The following TG variants were observed in gnomAD, a reference collection of about 807,000 sequenced individuals.
The protein encoded by TG is thyroid hormones.
In TG, 270 loss-of-function variants were observed where a neutral mutation model predicts 324.7. The ratio of observed to expected loss-of-function variants is 0.83; its 90% CI spans 0.75 to 0.92. The LOEUF is 0.92. Ranked by LOEUF, TG falls within the 40% of genes least tolerant of loss-of-function variation. The pLI is 0.00. For missense variants in TG, 3,591 were observed against 3,456.4 expected (o/e 1.04, Z -0.98); for synonymous variants, 1,401 against 1,327.0 (o/e 1.06, Z -1.21).
chr8:132,947,404 C>T (rs1329845219), intron 26 of TG, among the ~76,000 whole-genome samples: 1 of 152,148 alleles, frequency 6.6e-6, no homozygotes, highest in African/African-American at 2.4e-5. Context: ...ACCTGGAAGG[C>T]CACTTAAAAA....
At chr8:132,986,903 A>C (rs886344847) in intron 35 of TG, among the ~76,000 whole-genome samples, 1 of 152,188 alleles carries the variant, frequency 6.6e-6, no homozygotes, top group African/African-American at 2.4e-5. Context: ...TATCACTAAA[A>C]AATTATTTAT....
chr8:133,124,441 A>C (rs1169157406), intron 45 of TG, among the ~76,000 whole-genome samples: 1 of 152,228 alleles, frequency 6.6e-6, no homozygotes, highest in Non-Finnish European at 1.5e-5. Context: ...ATTTTGGCAG[A>C]GACAGCCCAA....
At chr8:132,879,671 CT>C (rs1729992835) in intron 5 of TG, among the ~76,000 whole-genome samples, 1 of 152,252 alleles carries the variant, frequency 6.6e-6, no homozygotes, top group African/African-American at 2.4e-5. Context: ...AGTAACTGGC[CT>C]TAGGGTGATC....
intron 44 of TG, among the ~76,000 whole-genome samples, chr8:133,115,688 G>A (rs1850623779): frequency 6.6e-6 from 1 of 152,232 alleles, no homozygotes; most frequent in Admixed American, 6.5e-5. Flanking sequence ...AAGAACTGCT[G>A]AGTATCTCAC....
intron 35 of TG, chr8:133,003,061 C>A: frequency 9.4e-7 from 1 of 1,065,852 alleles, no homozygotes; most frequent in South Asian, 3.3e-5. Context: ...TCCTCTTTCC[C>A]TTTGTGTTTG....
chr8:133,080,691 G>A (rs1283956352), intron 41 of TG, among the ~76,000 whole-genome samples: 3 of 152,130 alleles, frequency 2.0e-5, no homozygotes, highest in East Asian at 3.9e-4. Flanking sequence ...GGCAATGTCA[G>A]CACTCAAGGC....
intron 41 of TG, among the ~76,000 whole-genome samples, chr8:133,034,248 A>G (rs563879215): frequency 6.6e-6 from 1 of 152,358 alleles, no homozygotes; most frequent in Non-Finnish European, 1.5e-5. Flanking sequence ...CCTTGCATTC[A>G]TGAATCAGGT....
At chr8:132,896,066 G>A (rs973200442) in intron 11 of TG, among the ~76,000 whole-genome samples, 1 of 152,276 alleles carries the variant, frequency 6.6e-6, no homozygotes, top group Non-Finnish European at 1.5e-5. Context: ...AGGGCCTAAT[G>A]AGCGTGGCGA....
intron 41 of TG, among the ~76,000 whole-genome samples, chr8:133,051,427 G>A (rs1277205820): frequency 6.6e-6 from 1 of 152,202 alleles, no homozygotes; most frequent in Non-Finnish European, 1.5e-5. Context: ...TGGGGAAGGA[G>A]TGTGAGGCAA....
intron 41 of TG, chr8:133,037,305 A>T (rs1382360918): frequency 6.6e-6 from 1 of 152,196 alleles, no homozygotes; most frequent in East Asian, 1.9e-4. Flanking sequence ...ATTATGCATG[A>T]CATCATTAAT....
chr8:132,964,547 A>G (rs1828258732), intron 29 of TG: 1 of 238,656 alleles, frequency 4.2e-6, no homozygotes, highest in Non-Finnish European at 8.1e-6. Flanking sequence ...GTATCAGGTT[A>G]CTCCCATCAG....
intron 24 of TG, among the ~76,000 whole-genome samples, chr8:132,934,471 A>G (rs1563973654): frequency 6.6e-6 from 1 of 152,224 alleles, no homozygotes; most frequent in African/African-American, 2.4e-5. Context: ...TCAAATTAGG[A>G]TAATTAGACC....
chr8:132,869,647 G>A, intron 2 of TG, 82 bp from the exon 3 acceptor site: 1 of 1,226,674 alleles, frequency 8.2e-7, no homozygotes, highest in Non-Finnish European at 1.2e-6. Flanking sequence ...TGGAAATGAA[G>A]AAGAAAAGTA....
At position 132,913,082 on chromosome 8, in the gene TG, T is replaced by C. The variant is rs1193856624; in HGVS notation, c.4195T>C (p.Phe1399Leu). 5 of 1,614,150 alleles carry C rather than the reference T, an allele frequency of 3.1e-6. No individual in the cohort carries two copies. The highest frequency in any genetic ancestry group is 2.2e-5 in the East Asian group (1 of 44,866). Residue 1399 changes from phenylalanine (F) to leucine (L), a missense_variant, in exon 20 of 48, where the codon TTC (phenylalanine) becomes CTC (leucine). Transcript: ENST00000220616. ...GGTGGGCAAGGATCTCCTTGGGCGC[T>C]TCACAGATCTGATCCAGAGTGGCTC... ...ALVGKDLLGR[F>L]TDLIQSGSFQ...
At chr8:132,980,718 A>G (rs1830723471) in intron 34 of TG, among the ~76,000 whole-genome samples, 1 of 152,144 alleles carries the variant, frequency 6.6e-6, no homozygotes, top group Non-Finnish European at 1.5e-5. Context: ...CTTGAAATCC[A>G]GGTAGTTAGT....
intron 10 of TG, among the ~76,000 whole-genome samples, chr8:132,891,823 A>G (rs1289824952): frequency 6.6e-6 from 1 of 152,246 alleles, no homozygotes; most frequent in Non-Finnish European, 1.5e-5. Context: ...CAAATTCTGG[A>G]AGTCAAAGTT....
intron 41 of TG, among the ~76,000 whole-genome samples, chr8:133,042,524 A>T (rs1838452583): frequency 6.6e-6 from 1 of 151,968 alleles, no homozygotes; most frequent in Non-Finnish European, 1.5e-5. Flanking sequence ...ATCCTGTGAA[A>T]ATTATTGCAT....
At chr8:132,912,418 C>G (rs2132385926) in intron 19 of TG, among the ~76,000 whole-genome samples, 1 of 152,222 alleles carries the variant, frequency 6.6e-6, no homozygotes, top group East Asian at 1.9e-4. Flanking sequence ...CTACAGTAGC[C>G]TGTTACAGCC....
At chr8:132,966,798 G>C (rs759344771) in intron 30 of TG, 101 bp downstream of exon 30, 14 of 1,422,346 alleles carry the variant, frequency 9.8e-6, no homozygotes, top group Non-Finnish European at 1.3e-5. Context: ...GCCAAATTTT[G>C]TGTCATAACT....
Sources: allele counts gnomAD v4.1 joint callset (sites outside exome capture counted in the v4.1 genomes callset), GRCh38; gene constraint gnomAD v4.1.1; transcripts MANE v1.5; gene names NCBI Gene and HGNC (gene_info 2026-07-23, HGNC 2026-07-21).